ITPR3: variants seen among roughly 807,000 people sequenced by gnomAD.
ITPR3 encodes inositol 1,4,5-trisphosphate receptor type 3, also known as inositol 1,4,5-trisphosphate-gated calcium channel ITPR3.
Under a neutral mutation model 293.2 loss-of-function variants are expected in ITPR3, and 173 were observed. The observed-to-expected ratio is 0.59, with a 90% CI of 0.52 to 0.67. ITPR3 has a LOEUF of 0.67. Among genes scored for constraint, ITPR3 ranks in the 30% least tolerant of loss-of-function variants. The pLI, the probability that ITPR3 is intolerant of heterozygous loss-of-function variation, is 0.00. For missense variants in ITPR3, 2,796 were observed against 3,592.1 expected (o/e 0.78, Z 5.66); for synonymous variants, 1,295 against 1,444.4 (o/e 0.90, Z 2.35).
At chr6:33,677,179 T>G in intron 27 of ITPR3, 90 bp downstream of exon 27, 3 of 1,159,668 alleles carry the variant, frequency 2.6e-6, no homozygotes, top group Non-Finnish European at 3.8e-6. Context: ...CCTCTCCCTG[T>G]GCTGGCCACT....
Position 33,692,215 on chromosome 6 carries a change from A to C in ITPR3, c.7458+287A>C, listed in dbSNP as rs1193134900. The stretch of plus-strand genomic sequence containing the variant: ...CTTTCCTAGCCCACAGCAGGTGGGC[A>C]GAGGGCGGAGCTGAGTCAGCTTTAT... On this transcript the variant is annotated intron_variant, in intron 54 of 57. Coordinates refer to ENST00000605930, the MANE Select transcript of ITPR3 (RefSeq NM_002224.4). The surrounding 1 kb of genome is among the most constrained non-coding windows in gnomAD (Gnocchi z 4.2). Among the ~76,000 whole-genome samples, 1 of 152,244 alleles carries C rather than the reference A, an allele frequency of 6.6e-6. No homozygotes were observed. Among genetic ancestry groups the C allele is most frequent in the Non-Finnish European group, 1.5e-5 (1 of 68,046 alleles).
chr6:33,685,907 C>T (rs1765217625), intron 41 of ITPR3, 80 bp downstream of exon 41: 3 of 1,529,958 alleles, frequency 2.0e-6, no homozygotes, highest in Non-Finnish European at 2.7e-6. Context: ...TGGTGTCCCT[C>T]TATGGCAGGT....
chr6:33,631,126 G>C (rs954776081), intron 1 of ITPR3, among the ~76,000 whole-genome samples: 2 of 152,244 alleles, frequency 1.3e-5, no homozygotes, highest in African/African-American at 2.4e-5. Flanking sequence ...CCTTGGGGCT[G>C]GCCTGCATCT....
In ITPR3 at chr6:33,688,249, A is replaced by G; in HGVS notation, c.6386A>G (p.Gln2129Arg). 1 of 1,614,190 alleles carries G rather than the reference A, an allele frequency of 6.2e-7. No homozygotes were observed. Among genetic ancestry groups the G allele is most frequent in the South Asian group, 1.1e-5 (1 of 91,084 alleles). ...NHTSQIEIVR[Q>R]DRSMEQIVFP... ...GCTGTGTGTGCTCAGATTGTGCGGC[A>G]GGACCGCAGCATGGAGCAGATCGTG... is the stretch of plus-strand genomic sequence containing the variant. Residue 2129 changes from glutamine (Q) to arginine (R), a missense_variant, in exon 48 of 58, where the codon CAG (glutamine) becomes CGG (arginine). Around this residue, in one of 8 missense-constraint regions of ITPR3, gnomAD observed 568 missense variants for 796.1 expected, o/e 0.71. Coordinates refer to ENST00000605930, the MANE Select transcript of ITPR3 (RefSeq NM_002224.4).
intron 26 of ITPR3, 26 bp downstream of exon 26, chr6:33,676,958 G>A (rs1157304173): frequency 6.2e-7 from 1 of 1,614,000 alleles, no homozygotes; most frequent in Admixed American, 1.7e-5. Context: ...GGGGGCCAGG[G>A]CAGGCCTCCC....
chr6:33,623,890 C>T (rs1351261904), intron 1 of ITPR3, among the ~76,000 whole-genome samples: 1 of 152,180 alleles, frequency 6.6e-6, no homozygotes, highest in Non-Finnish European at 1.5e-5. Flanking sequence ...GATGTCCACC[C>T]TCCTAGCATG....
Position 33,680,668 on chromosome 6 carries a change from C to T in ITPR3, c.4464C>T (p.Ser1488=). 2.5e-6 allele frequency: 4 copies of T among 1,613,258 alleles called. No homozygotes were observed. Among genetic ancestry groups the T allele is most frequent in the South Asian group, 1.1e-5 (1 of 91,060 alleles). ...TCAGCTCCCCATTCTCTGAGAACAG[C>T]ACTTCCCTGCAGGTGAGCTTCTCCT... ...AFFSSPFSEN[S]TSLQTHQTIV... Residue 1488 remains serine, a synonymous_variant, in exon 33 of 58, where the codon AGC becomes AGT. Coordinates refer to ENST00000605930, the MANE Select transcript of ITPR3 (RefSeq NM_002224.4).
chr6:33,640,736 C>T (rs955326731), intron 2 of ITPR3, among the ~76,000 whole-genome samples, 182 bp downstream of exon 2: 3 of 152,218 alleles, frequency 2.0e-5, no homozygotes, highest in African/African-American at 7.2e-5. Flanking sequence ...TTGGCACAGA[C>T]GTGCCATTCC....
chr6:33,685,031 G>A (rs1765187067), intron 39 of ITPR3, 88 bp downstream of exon 39: 6 of 1,441,594 alleles, frequency 4.2e-6, no homozygotes, highest in African/African-American at 2.8e-5. Context: ...ACTGAAGGCC[G>A]AGGAGGGTGT....
At position 33,689,235 on chromosome 6, in the gene ITPR3, C is replaced by T; in HGVS notation, c.6695-3C>T. On this transcript the variant is annotated splice_polypyrimidine_tract_variant and splice_region_variant and intron_variant, in intron 49 of 57. Transcript: ENST00000605930. ...CCCTGCTCACCCTGCCCCTGGCCCC[C>T]AGGCGTGCTGGACTCCCCTCTCATC... 5 of 1,608,390 alleles carry T rather than the reference C, an allele frequency of 3.1e-6. No individual in the cohort carries two copies. Among genetic ancestry groups the T allele is most frequent in the Non-Finnish European group, 4.2e-6 (5 of 1,179,854 alleles).
chr6:33,641,163 C>T (rs948631636), intron 2 of ITPR3, among the ~76,000 whole-genome samples: 1 of 152,216 alleles, frequency 6.6e-6, no homozygotes, highest in Non-Finnish European at 1.5e-5. Flanking sequence ...GGCCGCCCAG[C>T]AGGCTGAGGG....
At chr6:33,674,147 G>A in intron 23 of ITPR3, 61 bp from the exon 24 acceptor site, 1 of 1,590,244 alleles carries the variant, frequency 6.3e-7, no homozygotes, top group South Asian at 1.1e-5. Context: ...GTGTCTCCCT[G>A]TGCTCCCCTC....
chr6:33,636,123 C>CAAAA (rs59543122), intron 1 of ITPR3, among the ~76,000 whole-genome samples: 7 of 83,312 alleles, frequency 8.4e-5, no homozygotes, highest in Non-Finnish European at 1.2e-4. Context: ...GCTGTCTCTA[C>CAAAA]AAAAAAAAAA....
At position 33,676,945 on chromosome 6, in the gene ITPR3, C is replaced by T; in HGVS notation, c.3447+13C>T. The T allele has an allele frequency of 6.2e-7, 1 of 1,613,986 alleles. No homozygotes were observed. The highest frequency in any genetic ancestry group is 1.3e-5 in the African/African-American group (1 of 75,020). Reference sequence around the variant, plus strand: ...GGACAAGAAAGAGGTAAGTGGGGCTCCAGGGGGCCAGGGCAGGCCTCCCTG... The same window carrying T: ...GGACAAGAAAGAGGTAAGTGGGGCTTCAGGGGGCCAGGGCAGGCCTCCCTG... On this transcript the variant is annotated intron_variant, in intron 26 of 57. Transcript: ENST00000605930.
At position 33,689,388 on chromosome 6, in the gene ITPR3, T is replaced by C; in HGVS notation, c.6845T>C (p.Leu2282Pro). 6.2e-7 allele frequency: 1 copy of C among 1,610,622 alleles called. No homozygotes were observed. Residue 2282 changes from leucine to proline, a missense_variant, in exon 50 of 58, where the codon CTC becomes CCC. Transcript: ENST00000605930. ...SIYYLGIGPT[L>P]NILGALNLTN... is the part of the protein sequence containing the mutation. Reference sequence around the variant, plus strand: ...TACTATCTGGGCATCGGGCCCACACTCAACATCCTGGGTGCCCTCAATGTG... The same window carrying C: ...TACTATCTGGGCATCGGGCCCACACCCAACATCCTGGGTGCCCTCAATGTG...
Position 33,660,203 on chromosome 6 carries a change from G to A in ITPR3, c.711+654G>A, listed in dbSNP as rs529841261. The stretch of plus-strand genomic sequence containing the variant: ...CTGCAAGGGATGGAACCAGCAGACG[G>A]GGTGTAGACGGTCTTGAGGGAGGGC... On this transcript the variant is annotated intron_variant, in intron 7 of 57. Transcript: ENST00000605930. Among the ~76,000 whole-genome samples, 3 of 152,256 alleles carry A rather than the reference G, an allele frequency of 2.0e-5. No homozygotes were observed. In the South Asian group the frequency reaches 6.2e-4, roughly 32 times the overall value.
At position 33,672,045 on chromosome 6, in the gene ITPR3, G is replaced by A; in HGVS notation, c.2745G>A (p.Arg915=). The change falls in exon 22 of 58, where the codon CGG becomes CGA. Residue 915 remains arginine, a synonymous_variant. Transcript: ENST00000605930. This position sits in a 1 kb window ranked among gnomAD's most constrained non-coding sequence, Gnocchi z 5.0. The part of the protein sequence containing the change: ...YEDPGGKNVR[R]SIQGVGHMMS... ...CCTCCACAGGCAAGAATGTGCGGCG[G>A]TCCATCCAGGGCGTGGGGCACATGA... 1 of 1,606,840 alleles carries A rather than the reference G, an allele frequency of 6.2e-7. No individual in the cohort carries two copies.
Position 33,655,175 on chromosome 6 carries a change from G to A in ITPR3, c.161-591G>A, listed in dbSNP as rs1006057220. 6.6e-6 allele frequency among the ~76,000 whole-genome samples: 1 copy of A among 152,156 alleles called. No homozygotes were observed. The highest frequency in any genetic ancestry group is 2.1e-4 in the South Asian group (1 of 4,822). Reference sequence around the variant, plus strand: ...AGGGAGCCTCTTCCTCTTTGTATAGGGCAGGAGAAGAAGCTGAGCAAGGGT... The same window carrying A: ...AGGGAGCCTCTTCCTCTTTGTATAGAGCAGGAGAAGAAGCTGAGCAAGGGT... On this transcript the variant is annotated intron_variant, in intron 2 of 57. Coordinates refer to ENST00000605930, the MANE Select transcript of ITPR3 (RefSeq NM_002224.4). This position sits in a 1 kb window ranked among gnomAD's most constrained non-coding sequence, Gnocchi z 4.9.
chr6:33,684,217 G>C lies in ITPR3; in HGVS notation c.4937+49G>C. ...GGGCAGCAGGGGTGCAGCGGCAGGG[G>C]ACAGAGAAGGGCCCGGTGGGGACTA... is the stretch of plus-strand genomic sequence containing the variant. On this transcript the variant is annotated intron_variant, in intron 36 of 57. Transcript: ENST00000605930. The surrounding 1 kb of genome is among the most constrained non-coding windows in gnomAD (Gnocchi z 4.2). 1 of 1,603,440 alleles carries C rather than the reference G, an allele frequency of 6.2e-7. No homozygotes were observed. The highest frequency in any genetic ancestry group is 1.1e-5 in the South Asian group (1 of 90,684).
Sources: gnomAD v4.1 joint callset for allele counts (sites outside exome capture counted in the v4.1 genomes callset) on GRCh38, gnomAD v4.1.1 for gene constraint, gnomAD v4.1.1 regional missense constraint, Gnocchi (gnomAD v3.1) non-coding constraint, MANE v1.5 for transcripts, NCBI Gene and HGNC (gene_info 2026-07-23, HGNC 2026-07-21) for gene names.